Variants in CNGB1 observed in about 807,000 individuals in gnomAD.
CNGB1 encodes the protein cyclic nucleotide gated channel subunit beta 1.
A neutral mutation model predicts 151.7 loss-of-function variants in CNGB1; 126 were observed. That is an observed-to-expected ratio of 0.83 (90% CI 0.72 to 0.96). The LOEUF (loss-of-function observed/expected upper bound fraction) is 0.96. Ranked by LOEUF, CNGB1 falls within the 40% of genes least tolerant of loss-of-function variation. CNGB1 has a pLI of 0.00. For missense variants in CNGB1, 1,698 were observed against 1,627.0 expected, an observed-to-expected ratio of 1.04 and a Z score of -0.75; for synonymous variants, 623 against 635.1, an observed-to-expected ratio of 0.98 and a Z score of 0.29.
At chr16:57,949,778 A>T (rs78061566) in intron 13 of CNGB1, among the ~76,000 whole-genome samples, 1,818 of 152,320 alleles carry the variant, frequency 0.012, 26 homozygotes, top group African/African-American at 0.042. Context: ...CTCTAGTAGG[A>T]ACAAAGATTG....
chr16:57,932,977 C>T (rs1434779579), intron 16 of CNGB1, among the ~76,000 whole-genome samples: 1 of 152,150 alleles, frequency 6.6e-6, no homozygotes, highest in African/African-American at 2.4e-5. Flanking sequence ...TGCAGTGGCA[C>T]GATTGCAGCT....
In CNGB1 at chr16:57,962,982, G is replaced by A. The variant is rs746307286; in HGVS notation, c.373C>T (p.Pro125Ser). The change falls in exon 5 of 33, where the codon CCG becomes TCG. Residue 125 changes from proline (P) to serine (S), a missense_variant. Transcript: ENST00000251102. Reference protein sequence around the residue: ...PQPVHSITEDPAQILGHGSTG... With the variant: ...PQPVHSITEDSAQILGHGSTG... ...TCCAGCCCCAGCAGTACCTGAGCCG[G>A]GTCCTCCGTGATGCTGTGAACAGGC... 1.2e-6 allele frequency: 2 copies of A among 1,613,234 alleles called. No homozygotes were observed. Among genetic ancestry groups the A allele is most frequent in the South Asian group, 2.2e-5 (2 of 91,078 alleles).
At chr16:57,922,759 G>T (rs917496545) in intron 18 of CNGB1, among the ~76,000 whole-genome samples, 2 of 152,096 alleles carry the variant, frequency 1.3e-5, no homozygotes, top group Non-Finnish European at 2.9e-5. Context: ...ACATTGTTCT[G>T]CAGGCCAGCT....
At chr16:57,913,064 C>T (rs1377413496) in intron 23 of CNGB1, 70 bp from the exon 24 acceptor site, 9 of 1,488,916 alleles carry the variant, frequency 6.0e-6, no homozygotes, top group African/African-American at 4.1e-5. Context: ...CGCCCACGGG[C>T]GCCGAGACTC....
rs1959825921 is a variant in CNGB1 at position 57,883,951 on chromosome 16, G to A, written c.*213C>T. 1 of 624,238 alleles carries A rather than the reference G, an allele frequency of 1.6e-6. No homozygotes were observed. The highest frequency in any genetic ancestry group is 1.8e-5 in the African/African-American group (1 of 54,264). 38.7% of individuals were successfully genotyped at this position (624,238 alleles called of 1,614,324 possible). Reference sequence around the variant, plus strand: ...GAGCTCAGGGACTCGAACACTTGATGCAACTTGTCGAGCTCAGGCCCAGCC... The same window carrying A: ...GAGCTCAGGGACTCGAACACTTGATACAACTTGTCGAGCTCAGGCCCAGCC... On this transcript the variant is annotated 3_prime_UTR_variant, in exon 33 of 33. Coordinates refer to ENST00000251102, the MANE Select transcript of CNGB1 (RefSeq NM_001297.5).
Position 57,883,956 on chromosome 16 carries a change from T to A in CNGB1, c.*208A>T. The A allele has an allele frequency of 3.2e-6, 2 of 634,904 alleles. No individual in the cohort carries two copies. Among genetic ancestry groups the A allele is most frequent in the Non-Finnish European group, 5.6e-6 (2 of 359,086 alleles). 39.3% of individuals were successfully genotyped at this position (634,904 alleles called of 1,614,324 possible). A position where few individuals can be genotyped will look rare whatever the true frequency, so the allele number is the denominator to read the frequency against. The stretch of plus-strand genomic sequence containing the variant: ...CAGGGACTCGAACACTTGATGCAAC[T>A]TGTCGAGCTCAGGCCCAGCCCCGCG... On this transcript the variant is annotated 3_prime_UTR_variant, in exon 33 of 33. Coordinates refer to ENST00000251102, the MANE Select transcript of CNGB1 (RefSeq NM_001297.5).
chr16:57,964,111 G>A lies in CNGB1; in HGVS notation c.290+19C>T, dbSNP rs755301994. The A allele has an allele frequency of 1.9e-6, 3 of 1,613,364 alleles. No individual in the cohort carries two copies. The highest frequency in any genetic ancestry group is 1.1e-5 in the South Asian group (1 of 90,994). On this transcript the variant is annotated intron_variant, in intron 4 of 32. Transcript: ENST00000251102. The stretch of plus-strand genomic sequence containing the variant: ...GGGAGGCGGGCTGGCCCTGAAGAGA[G>A]GGGAGGGTGGTGCAGTACCTATTCA...
rs750955888 is a variant in CNGB1, at chr16:57,931,716, C to T, written c.1535G>A (p.Arg512Lys). Residue 512 changes from arginine to lysine, a missense_variant and splice_region_variant, in exon 17 of 33, where the codon AGG (arginine) becomes AAG (lysine). By Grantham distance (26) the Arg-to-Lys change is conservative (BLOSUM62 2). Transcript: ENST00000251102. ...IVPSSASGTH[R>K]KKLPSEDDEA... ...GCCCAAGAGAAGCATAAAAGGTAAC[C>T]TGTGTGTCCCCGAGGCTGAGCTTGG... is the stretch of plus-strand genomic sequence containing the variant. The T allele has an allele frequency of 6.2e-7, 1 of 1,614,070 alleles. No individual in the cohort carries two copies.
chr16:57,931,344 G>A (rs947337653), intron 17 of CNGB1, among the ~76,000 whole-genome samples: 9 of 151,960 alleles, frequency 5.9e-5, no homozygotes, highest in Non-Finnish European at 7.4e-5. Context: ...TAGGAAAGAC[G>A]GGGTTTCGCT....
intron 12 of CNGB1, among the ~76,000 whole-genome samples, chr16:57,956,306 T>C (rs1962083240): frequency 6.6e-6 from 1 of 152,222 alleles, no homozygotes; most frequent in African/African-American, 2.4e-5. Context: ...TCTGCTCTGC[T>C]GCCCCAGGTT....
In CNGB1 at chr16:57,955,866, C is replaced by G. The variant is rs1275726881; in HGVS notation, c.874+1475G>C. Among the ~76,000 whole-genome samples the G allele has an allele frequency of 3.9e-5, 6 of 152,306 alleles. No homozygotes were observed. In the East Asian group the frequency reaches 1.2e-3, roughly 29 times the overall value. ...CTCAGAGCCCCAGGAGGAGCCAACC[C>G]TGCTAAAGCCTTGACCCTGGACTTC... On this transcript the variant is annotated intron_variant, in intron 12 of 32. Coordinates refer to ENST00000251102, the MANE Select transcript of CNGB1 (RefSeq NM_001297.5).
At chr16:57,904,208 C>T (rs1018756506) in intron 26 of CNGB1, among the ~76,000 whole-genome samples, 1 of 152,080 alleles carries the variant, frequency 6.6e-6, no homozygotes. Flanking sequence ...ACTGCCAGCC[C>T]CTTGGTGGCC....
At chr16:57,920,327 G>A (rs1960993940) in intron 19 of CNGB1, 60 bp downstream of exon 19, 2 of 1,596,542 alleles carry the variant, frequency 1.3e-6, no homozygotes, top group African/African-American at 1.3e-5. Flanking sequence ...AGTTGACAGG[G>A]AACTTTGGAG....
chr16:57,911,915 G>T (rs149722515), intron 24 of CNGB1, 40 bp from the exon 25 acceptor site: 3 of 1,609,506 alleles, frequency 1.9e-6, no homozygotes, highest in South Asian at 1.1e-5. Flanking sequence ...GCGGCGGAAG[G>T]GGGAGGTGAG....
At chr16:57,958,921 C>CTT (rs10708381) in intron 10 of CNGB1, among the ~76,000 whole-genome samples, 1,290 of 119,804 alleles carry the variant, frequency 0.011, 24 homozygotes, top group African/African-American at 0.033. Context: ...TCATGCCCAG[C>CTT]TTTTTTTTTT....
At chr16:57,934,998 A>G (rs1477607807) in intron 16 of CNGB1, among the ~76,000 whole-genome samples, 1 of 150,052 alleles carries the variant, frequency 6.7e-6, no homozygotes. Flanking sequence ...GTGAGCCAAG[A>G]TCGCGCCACT....
chr16:57,908,047 C>A (rs1412498012), intron 25 of CNGB1, among the ~76,000 whole-genome samples: 2 of 152,192 alleles, frequency 1.3e-5, no homozygotes, highest in Non-Finnish European at 2.9e-5. Context: ...TACCACCATG[C>A]CCAACTAAGT....
At chr16:57,889,418 C>T (rs890411877) in intron 31 of CNGB1, among the ~76,000 whole-genome samples, 3 of 152,158 alleles carry the variant, frequency 2.0e-5, no homozygotes. Flanking sequence ...CCCAGTCCTA[C>T]AACCCCAAGG....
At chr16:57,888,185 T>G (rs558207338) in intron 31 of CNGB1, 111 bp from the exon 32 acceptor site, 2 of 1,183,592 alleles carry the variant, frequency 1.7e-6, no homozygotes, top group Non-Finnish European at 2.4e-6. Flanking sequence ...TGATTTTGGC[T>G]GGTGATTGTA....
Sources: allele counts gnomAD v4.1 joint callset (sites outside exome capture counted in the v4.1 genomes callset), GRCh38; gene constraint gnomAD v4.1.1; transcripts MANE v1.5; gene names NCBI Gene and HGNC (gene_info 2026-07-23, HGNC 2026-07-21).